The following SEMA5A variants were observed in gnomAD, a reference collection of about 807,000 sequenced individuals.
The protein encoded by SEMA5A is semaphorin-5A.
SEMA5A carries 55 observed loss-of-function variants against 135.5 expected under a neutral mutation model. The observed-to-expected ratio is 0.41, with a 90% CI of 0.33 to 0.51. SEMA5A has a LOEUF of 0.51. Among genes scored for constraint, SEMA5A ranks in the 20% least tolerant of loss-of-function variants. The pLI, the probability that SEMA5A is intolerant of heterozygous loss-of-function variation, is 0.37. For synonymous variants in SEMA5A, 580 were observed against 546.5 expected (o/e 1.06, Z -0.85); for missense variants, 1,290 against 1,419.9 (o/e 0.91, Z 1.47).
At chr5:9,043,138 A>T in intron 22 of SEMA5A, 122 bp from the exon 23 acceptor site, 1 of 868,600 alleles carries the variant, frequency 1.2e-6, no homozygotes, top group Non-Finnish European at 1.7e-6. Flanking sequence ...ATTTTAAAAT[A>T]TGTTTTCTTA....
intron 20 of SEMA5A, among the ~76,000 whole-genome samples, chr5:9,051,028 G>A (rs777308138): frequency 2.8e-4 from 43 of 152,162 alleles, no homozygotes; most frequent in Non-Finnish European, 5.0e-4. Flanking sequence ...ATATCACTCG[G>A]TAGTCTAGAA....
At chr5:9,452,070 C>T (rs1758665652) in intron 1 of SEMA5A, among the ~76,000 whole-genome samples, 2 of 152,224 alleles carry the variant, frequency 1.3e-5, no homozygotes, top group African/African-American at 4.8e-5. Flanking sequence ...CCACTTCCTT[C>T]ACCTTTTCCA....
chr5:9,172,678 A>G (rs1743990582), intron 11 of SEMA5A, among the ~76,000 whole-genome samples: 1 of 152,210 alleles, frequency 6.6e-6, no homozygotes, highest in South Asian at 2.1e-4. Context: ...ACCTGGCATA[A>G]CTGAAGATCA....
At chr5:9,531,409 C>T (rs903463786) in intron 1 of SEMA5A, among the ~76,000 whole-genome samples, 1 of 152,194 alleles carries the variant, frequency 6.6e-6, no homozygotes, top group African/African-American at 2.4e-5. Flanking sequence ...AGGGTCCTCT[C>T]AGAGCCCTGG....
intron 2 of SEMA5A, among the ~76,000 whole-genome samples, chr5:9,390,644 C>A (rs534393679): frequency 5.3e-4 from 80 of 151,908 alleles, no homozygotes; most frequent in African/African-American, 1.9e-3. Flanking sequence ...AATGCCGATA[C>A]CTTTGAGTTA....
At chr5:9,308,965 A>C (rs190662575) in intron 5 of SEMA5A, among the ~76,000 whole-genome samples, 4 of 152,208 alleles carry the variant, frequency 2.6e-5, no homozygotes, top group Non-Finnish European at 5.9e-5. Context: ...AGGTCATTAA[A>C]GTTACATCAA....
chr5:9,319,713 G>A (rs995683438), intron 4 of SEMA5A, among the ~76,000 whole-genome samples: 4 of 151,954 alleles, frequency 2.6e-5, no homozygotes, highest in South Asian at 2.1e-4. Flanking sequence ...AAATGAGCAC[G>A]AGGTGGGATC....
chr5:9,296,862 A>G (rs558888863), intron 5 of SEMA5A, among the ~76,000 whole-genome samples: 1 of 149,640 alleles, frequency 6.7e-6, no homozygotes, highest in South Asian at 2.1e-4. Flanking sequence ...GAAACAGCAT[A>G]TTTCCTACAG....
intron 16 of SEMA5A, among the ~76,000 whole-genome samples, chr5:9,102,964 A>C (rs1739709919): frequency 6.6e-6 from 1 of 152,238 alleles, no homozygotes; most frequent in Admixed American, 6.5e-5. Context: ...GACTGTTGAG[A>C]AATACGACTG....
chr5:9,116,657 G>A (rs2150172787), intron 15 of SEMA5A, among the ~76,000 whole-genome samples: 1 of 152,298 alleles, frequency 6.6e-6, no homozygotes, highest in African/African-American at 2.4e-5. Flanking sequence ...TCATTATCTT[G>A]TGGCTACCCA....
intron 1 of SEMA5A, among the ~76,000 whole-genome samples, chr5:9,464,910 T>G (rs1759198454): frequency 6.6e-6 from 1 of 152,172 alleles, no homozygotes; most frequent in Admixed American, 6.5e-5. Flanking sequence ...AGGTCTGAGT[T>G]TTCTGTCCAG....
chr5:9,320,363 A>G (rs989533009), intron 4 of SEMA5A, among the ~76,000 whole-genome samples: 1 of 152,142 alleles, frequency 6.6e-6, no homozygotes, highest in Non-Finnish European at 1.5e-5. Flanking sequence ...GGGAGGGAAT[A>G]TTACAGGAAA....
intron 1 of SEMA5A, among the ~76,000 whole-genome samples, chr5:9,461,193 GA>G (rs1385727272): frequency 6.6e-6 from 1 of 152,196 alleles, no homozygotes; most frequent in Non-Finnish European, 1.5e-5. Flanking sequence ...GATCAGCTAG[GA>G]AACTATTGTG....
At chr5:9,148,772 T>C (rs1037855019) in intron 12 of SEMA5A, among the ~76,000 whole-genome samples, 2 of 152,094 alleles carry the variant, frequency 1.3e-5, no homozygotes, top group East Asian at 1.9e-4. Context: ...CAGGCTGGAG[T>C]GCAGTGGTGT....
chr5:9,532,809 T>A (rs1434378778), intron 1 of SEMA5A, among the ~76,000 whole-genome samples: 2 of 152,190 alleles, frequency 1.3e-5, no homozygotes, highest in Non-Finnish European at 2.9e-5. Context: ...GACACTTTTT[T>A]CATGTAAACC....
At chr5:9,279,140 C>G (rs1238062635) in intron 5 of SEMA5A, among the ~76,000 whole-genome samples, 2 of 152,222 alleles carry the variant, frequency 1.3e-5, no homozygotes, top group South Asian at 2.1e-4. Context: ...TGCAAAGCCA[C>G]AGGGGCAGAG....
intron 17 of SEMA5A, among the ~76,000 whole-genome samples, chr5:9,064,420 A>G (rs76191240): frequency 6.6e-6 from 1 of 152,308 alleles, no homozygotes; most frequent in East Asian, 1.9e-4. Context: ...TAGACTGGAT[A>G]AAGAAAATGT....
intron 1 of SEMA5A, among the ~76,000 whole-genome samples, chr5:9,515,473 G>A (rs957996634): frequency 1.5e-4 from 23 of 152,178 alleles, no homozygotes; most frequent in Non-Finnish European, 1.0e-4. Context: ...AAATAAGTGT[G>A]AAAAATGCAT....
At chr5:9,498,291 T>C (rs1735403812) in intron 1 of SEMA5A, 1 of 152,132 alleles carries the variant, frequency 6.6e-6, no homozygotes, top group Non-Finnish European at 1.5e-5. Flanking sequence ...TGATAATATA[T>C]TTGGAAGTAT....
Sources: gnomAD v4.1 joint callset for allele counts (sites outside exome capture counted in the v4.1 genomes callset) on GRCh38, gnomAD v4.1.1 for gene constraint, MANE v1.5 for transcripts, NCBI Gene and HGNC (gene_info 2026-07-23, HGNC 2026-07-21) for gene names.